Variants in BABAM2 observed in about 807,000 individuals in gnomAD.
BABAM2 encodes the protein BRISC and BRCA1-A complex member 2.
A neutral mutation model predicts 54.7 loss-of-function variants in BABAM2; 31 were observed. That is an observed-to-expected ratio of 0.57 (90% CI 0.43 to 0.77). The LOEUF (loss-of-function observed/expected upper bound fraction) is 0.77. Among genes scored for constraint, BABAM2 ranks in the 30% least tolerant of loss-of-function variants. The pLI is 0.00. For synonymous variants in BABAM2, 167 were observed against 162.9 expected (o/e 1.03, Z -0.19); for missense variants, 364 against 455.8 (o/e 0.80, Z 1.83).
chr2:28,110,209 TG>T (rs113649898), intron 6 of BABAM2, among the ~76,000 whole-genome samples: 20,114 of 152,180 alleles, frequency 0.13, 1,687 homozygotes, highest in African/African-American at 0.23. Context: ...TTTCTTTTTT[TG>T]TAAGGCTGGA....
chr2:28,311,729 G>A (rs1347292414), intron 11 of BABAM2, among the ~76,000 whole-genome samples: 2 of 152,136 alleles, frequency 1.3e-5, no homozygotes, highest in African/African-American at 4.8e-5. Flanking sequence ...TATATTTCTG[G>A]AATTTTAAGT....
intron 11 of BABAM2, among the ~76,000 whole-genome samples, chr2:28,316,472 T>A (rs192600380): frequency 2.5e-3 from 378 of 151,234 alleles, no homozygotes; most frequent in Admixed American, 4.1e-3. Flanking sequence ...AAGAATGTCT[T>A]ACCCCAGCCT....
chr2:28,015,306 A>G (rs1182550898), intron 4 of BABAM2, among the ~76,000 whole-genome samples: 2 of 152,228 alleles, frequency 1.3e-5, no homozygotes, highest in East Asian at 3.8e-4. Flanking sequence ...AAGGGGAAAA[A>G]TTAAAATACA....
At chr2:28,013,666 A>T (rs572229375) in intron 4 of BABAM2, among the ~76,000 whole-genome samples, 6 of 10,758 alleles carry the variant, frequency 5.6e-4, no homozygotes, top group Non-Finnish European at 1.5e-3. Context: ...TCCAGCAAGT[A>T]AAAAAAAAAA....
At chr2:28,117,144 T>C (rs1253827287) in intron 6 of BABAM2, among the ~76,000 whole-genome samples, 1 of 152,174 alleles carries the variant, frequency 6.6e-6, no homozygotes, top group Non-Finnish European at 1.5e-5. Context: ...AGCCTAGCTA[T>C]AGCCAGAGCC....
chr2:28,235,732 C>A (rs1681846697), intron 7 of BABAM2, among the ~76,000 whole-genome samples: 1 of 152,204 alleles, frequency 6.6e-6, no homozygotes. Flanking sequence ...TCTCGGCTCA[C>A]TGCAACCTCT....
At chr2:28,173,015 A>G (rs1037660557) in intron 7 of BABAM2, among the ~76,000 whole-genome samples, 18 of 152,180 alleles carry the variant, frequency 1.2e-4, no homozygotes, top group Non-Finnish European at 2.5e-4. Flanking sequence ...TGGCAGAGAA[A>G]GTTTGTGAAC....
At chr2:28,246,728 A>G (rs2148084582) in intron 10 of BABAM2, among the ~76,000 whole-genome samples, 1 of 152,350 alleles carries the variant, frequency 6.6e-6, no homozygotes, top group South Asian at 2.1e-4. Flanking sequence ...GGGGAAAAAT[A>G]TATTTCATGG....
chr2:27,989,463 G>A (rs1378583016), intron 4 of BABAM2, among the ~76,000 whole-genome samples: 2 of 152,206 alleles, frequency 1.3e-5, no homozygotes, highest in Non-Finnish European at 2.9e-5. Flanking sequence ...TAAGCACATT[G>A]GAAGTAGCTA....
intron 4 of BABAM2, among the ~76,000 whole-genome samples, chr2:28,010,617 T>C (rs1674317752): frequency 6.6e-6 from 1 of 152,162 alleles, no homozygotes; most frequent in South Asian, 2.1e-4. Flanking sequence ...TATTATTCTT[T>C]ATTTCCATTT....
chr2:28,042,796 G>T (rs746061581), intron 5 of BABAM2, among the ~76,000 whole-genome samples: 11 of 152,036 alleles, frequency 7.2e-5, no homozygotes, highest in Non-Finnish European at 1.5e-4. Context: ...AGGCCGAGAT[G>T]GGCCGATCAC....
At chr2:28,094,795 T>A (rs948174593) in intron 6 of BABAM2, among the ~76,000 whole-genome samples, 1 of 152,098 alleles carries the variant, frequency 6.6e-6, no homozygotes, top group African/African-American at 2.4e-5. Flanking sequence ...TTCTCATTTA[T>A]TCTCTTCCTT....
At chr2:27,968,502 T>C (rs916544447) in intron 3 of BABAM2, among the ~76,000 whole-genome samples, 6 of 152,144 alleles carry the variant, frequency 3.9e-5, no homozygotes, top group Non-Finnish European at 8.8e-5. Flanking sequence ...AGAAGGGAAA[T>C]GTGGGGTTGG....
At chr2:28,059,315 C>T (rs993539544) in intron 6 of BABAM2, among the ~76,000 whole-genome samples, 8 of 152,044 alleles carry the variant, frequency 5.3e-5, no homozygotes, top group Admixed American at 5.2e-4. Flanking sequence ...TCTGAAGATC[C>T]ATTTTCTTCC....
chr2:28,225,516 C>T (rs1680804746), intron 7 of BABAM2, among the ~76,000 whole-genome samples: 1 of 152,138 alleles, frequency 6.6e-6, no homozygotes, highest in African/African-American at 2.4e-5. Context: ...TTAAAATTAT[C>T]TCTTTTTGCA....
chr2:27,925,904 G>A (rs146315620), intron 2 of BABAM2, among the ~76,000 whole-genome samples: 28 of 152,332 alleles, frequency 1.8e-4, no homozygotes, highest in African/African-American at 6.3e-4. Flanking sequence ...AGACTGTGAA[G>A]TGAATGTTTA....
At chr2:28,333,752 T>TC (rs1691169323) in intron 11 of BABAM2, among the ~76,000 whole-genome samples, 1 of 152,128 alleles carries the variant, frequency 6.6e-6, no homozygotes, top group African/African-American at 2.4e-5. Context: ...CTCAGGGCCC[T>TC]CTCCTGTGGG....
chr2:28,322,280 C>G lies in BABAM2; in HGVS notation c.1089-16170C>G, dbSNP rs1690086290. On this transcript the variant is annotated intron_variant, in intron 11 of 11. Coordinates refer to ENST00000379624, the MANE Select transcript of BABAM2 (RefSeq NM_199191.3). This position sits in a 1 kb window ranked among gnomAD's most constrained non-coding sequence, Gnocchi z 4.1. ...TGAACTTCGGTGAAGTATGAGCCAC[C>G]AAGCTCCGCCCAAGGGTGACCACAG... is the stretch of plus-strand genomic sequence containing the variant. 6.6e-6 allele frequency among the ~76,000 whole-genome samples: 1 copy of G among 152,158 alleles called. No homozygotes were observed. Among genetic ancestry groups the G allele is most frequent in the Non-Finnish European group, 1.5e-5 (1 of 68,036 alleles).
chr2:28,248,207 C>CTTTTTCTTTTTTTTTTTTTTTTTTTTT (rs1553349503), intron 10 of BABAM2, among the ~76,000 whole-genome samples: 13 of 54,306 alleles, frequency 2.4e-4, no homozygotes, highest in African/African-American at 4.0e-4. Context: ...TTTTCTTTTT[C>CTTTTTCTTTTTTTTTTTTTTTTTTTTT]TTTTTTTTTT....
Sources: allele counts gnomAD v4.1 joint callset (sites outside exome capture counted in the v4.1 genomes callset), GRCh38; gene constraint gnomAD v4.1.1; non-coding constraint Gnocchi (gnomAD v3.1); transcripts MANE v1.5; gene names NCBI Gene and HGNC (gene_info 2026-07-23, HGNC 2026-07-21).